Variants in RSF1 observed in about 807,000 individuals in gnomAD.
The protein encoded by RSF1 is remodeling and spacing factor 1, also known as HBV pX-associated protein 8.
A neutral mutation model predicts 145.2 loss-of-function variants in RSF1; 13 were observed. That is an observed-to-expected ratio of 0.09 (90% confidence interval 0.06 to 0.14). The LOEUF (loss-of-function observed/expected upper bound fraction) is 0.14, where lower values mean the gene tolerates loss of function less well. RSF1 is among the 10% of genes least tolerant of loss of function. The probability of loss-of-function intolerance (pLI) is 1.00; values close to 1 mark genes in which losing one functional copy is unlikely to be tolerated. For synonymous variants in RSF1, 577 were observed against 592.6 expected, an observed-to-expected ratio of 0.97 and a Z score of 0.38; for missense variants, 1,517 against 1,718.2, an observed-to-expected ratio of 0.88 and a Z score of 2.07.
At chr11:77,774,322 G>C (rs1374724873) in intron 1 of RSF1, among the ~76,000 whole-genome samples, 1 of 152,182 alleles carries the variant, frequency 6.6e-6, no homozygotes, top group African/African-American at 2.4e-5. Context: ...AGAGTTCCAG[G>C]TTGGGCGTGG....
chr11:77,690,840 G>T, intron 9 of RSF1: 1 of 298,792 alleles, frequency 3.3e-6, no homozygotes, highest in Non-Finnish European at 6.2e-6. Context: ...TGCTGTCACA[G>T]GGCAAAAGTA....
At chr11:77,788,047 T>C (rs1443590620) in intron 1 of RSF1, among the ~76,000 whole-genome samples, 5 of 143,158 alleles carry the variant, frequency 3.5e-5, no homozygotes, top group Non-Finnish European at 7.5e-5. Flanking sequence ...GAGGCTGAGG[T>C]AGGAGAATCA....
At chr11:77,849,208 T>G in the RSF1 span, among the ~76,000 whole-genome samples, 1 of 151,802 alleles carries the variant, frequency 6.6e-6, no homozygotes, top group Non-Finnish European at 1.5e-5. Flanking sequence ...GGCTAATTTT[T>G]TATTTTTTAT....
the RSF1 span, among the ~76,000 whole-genome samples, chr11:77,844,554 G>T: frequency 6.6e-6 from 1 of 151,384 alleles, no homozygotes; most frequent in Non-Finnish European, 1.5e-5. Flanking sequence ...TAGAGATGAG[G>T]TCTCACTACA....
chr11:77,759,855 T>TAAC (rs368636320), intron 2 of RSF1, among the ~76,000 whole-genome samples: 1 of 134,284 alleles, frequency 7.4e-6, no homozygotes, highest in African/African-American at 2.8e-5. Context: ...TGATGCATGT[T>TAAC]AAAAAAAAAA....
chr11:77,789,084 A>G (rs967281716), intron 1 of RSF1, among the ~76,000 whole-genome samples: 39 of 152,206 alleles, frequency 2.6e-4, no homozygotes, highest in African/African-American at 9.2e-4. Context: ...CATCTACGGC[A>G]AGGAAGGAGA....
chr11:77,739,868 G>A (rs1271469389), intron 4 of RSF1, among the ~76,000 whole-genome samples: 1 of 152,074 alleles, frequency 6.6e-6, no homozygotes, highest in Non-Finnish European at 1.5e-5. Context: ...ATATTTCATG[G>A]TTATATATTA....
intron 10 of RSF1, 41 bp downstream of exon 10, chr11:77,685,064 G>C (rs1355464557): frequency 2.6e-6 from 3 of 1,158,372 alleles, no homozygotes; most frequent in South Asian, 3.3e-5. Context: ...GAGCAATTAT[G>C]ACAATCTCCC....
chr11:77,820,114 G>A (rs911599055), intron 1 of RSF1, among the ~76,000 whole-genome samples: 1 of 152,156 alleles, frequency 6.6e-6, no homozygotes, highest in African/African-American at 2.4e-5. Flanking sequence ...GGAGGGGAGG[G>A]AGTAAGGGTG....
At chr11:77,698,856 G>C (rs1323490839) in intron 6 of RSF1, among the ~76,000 whole-genome samples, 163 bp from the exon 7 acceptor site, 3 of 152,060 alleles carry the variant, frequency 2.0e-5, no homozygotes, top group African/African-American at 2.4e-5. Context: ...TTAAATTTTG[G>C]TATATATTTC....
chr11:77,671,151 A>T (rs78970678), intron 15 of RSF1, among the ~76,000 whole-genome samples: 1 of 60,842 alleles, frequency 1.6e-5, no homozygotes, highest in Non-Finnish European at 2.6e-5. Context: ...ATATATATAT[A>T]TATATATATA....
intron 2 of RSF1, among the ~76,000 whole-genome samples, chr11:77,758,732 G>C (rs1450882838): frequency 6.6e-6 from 1 of 152,100 alleles, no homozygotes; most frequent in Admixed American, 6.6e-5. Context: ...TGATCTTTGT[G>C]TATCTTCTTT....
intron 5 of RSF1, among the ~76,000 whole-genome samples, chr11:77,708,385 A>G (rs1277583627): frequency 1.3e-5 from 2 of 152,188 alleles, no homozygotes; most frequent in East Asian, 3.9e-4. Flanking sequence ...AGCCATGACC[A>G]CGCCAGTGCA....
chr11:77,767,615 G>A (rs776476505), intron 1 of RSF1, among the ~76,000 whole-genome samples: 8 of 152,106 alleles, frequency 5.3e-5, no homozygotes, highest in Non-Finnish European at 1.0e-4. Context: ...CTTTATTAAA[G>A]AGTTATTTAT....
chr11:77,737,407 C>G (rs1387805529), intron 4 of RSF1, among the ~76,000 whole-genome samples: 1 of 151,330 alleles, frequency 6.6e-6, no homozygotes, highest in East Asian at 1.9e-4. Context: ...GAGATCGCAC[C>G]ACTGCACTCC....
At position 77,690,998 on chromosome 11, in the gene RSF1, A is replaced by AT. The variant is rs1960137930; in HGVS notation, c.2900+160dup. ...CCAATCATTTAAAAACATAAAAAAC[A>AT]TTCTTAGTTAGCAGGCAGTACAAAA... On this transcript the variant is annotated intron_variant, in intron 9 of 15. Transcript: ENST00000308488. The AT allele has an allele frequency of 5.7e-5, 32 of 565,266 alleles. No homozygotes were observed. The South Asian group carries it at 9.1e-4, about 16-fold the overall frequency. The allele number at this position is 565,266 out of a possible 1,614,324, so 35.0% of individuals were successfully genotyped here. A position where few individuals can be genotyped will look rare whatever the true frequency, so the allele number is the denominator to read the frequency against.
chr11:77,784,983 C>T (rs1948440343), intron 1 of RSF1, among the ~76,000 whole-genome samples: 1 of 152,232 alleles, frequency 6.6e-6, no homozygotes. Context: ...CCTGGCCCTG[C>T]AACTTCTAGC....
chr11:77,731,034 T>G (rs948162234), intron 4 of RSF1, among the ~76,000 whole-genome samples: 1 of 151,750 alleles, frequency 6.6e-6, no homozygotes, highest in South Asian at 2.1e-4. Context: ...AAGGCAGAGG[T>G]TGGAAGAGTT....
the RSF1 span, chr11:77,868,767 G>A: frequency 4.3e-6 from 1 of 234,800 alleles, no homozygotes; most frequent in African/African-American, 2.3e-5. Context: ...CCTTCCCACT[G>A]GTTCTTACAC....
Sources: gnomAD v4.1 joint callset for allele counts (sites outside exome capture counted in the v4.1 genomes callset) on GRCh38, gnomAD v4.1.1 for gene constraint, MANE v1.5 for transcripts, NCBI Gene and HGNC (gene_info 2026-07-23, HGNC 2026-07-21) for gene names.